GPRC5C: variants seen among roughly 807,000 people sequenced by gnomAD.
The protein encoded by GPRC5C is G protein-coupled receptor family C group 5 member C.
GPRC5C carries 22 observed loss-of-function variants against 31.4 expected under a neutral mutation model. The ratio of observed to expected loss-of-function variants is 0.70; its 90% CI spans 0.50 to 1.00. The LOEUF is 1.00. Among genes scored for constraint, GPRC5C ranks in the 50% least tolerant of loss-of-function variants. The pLI is 0.00. For missense variants in GPRC5C, 557 were observed against 597.2 expected (o/e 0.93, Z 0.70); for synonymous variants, 249 against 257.5 (o/e 0.97, Z 0.32).
At chr17:74,443,416 T>C in intron 2 of GPRC5C, 2 of 358,854 alleles carry the variant, frequency 5.6e-6, no homozygotes, top group South Asian at 4.4e-5. Flanking sequence ...AGCTGGCCCG[T>C]GGTGACAGGC....
chr17:74,437,686 G>A (rs76758902), intron 1 of GPRC5C, among the ~76,000 whole-genome samples: 1,447 of 142,980 alleles, frequency 0.01, 15 homozygotes, highest in African/African-American at 0.04. Context: ...TCAACTGTGG[G>A]ATTTAGGGCT....
chr17:74,436,259 A>G (rs2055429846), intron 1 of GPRC5C, among the ~76,000 whole-genome samples: 2 of 152,104 alleles, frequency 1.3e-5, no homozygotes, highest in Admixed American at 6.6e-5. Flanking sequence ...GCTTTGATTC[A>G]CACCATCTTT....
Position 74,443,800 on chromosome 17 carries a change from T to A in GPRC5C, c.1052-18T>A, listed in dbSNP as rs529578883. On this transcript the variant is annotated intron_variant, in intron 2 of 3. Transcript: ENST00000392627. ...GAGAGCCCTGGGATCTTCAAACTGT[T>A]CCTGCTTTTCCTTGTAGCTAAGAGG... 5.1e-6 allele frequency: 8 copies of A among 1,573,764 alleles called. No individual in the cohort carries two copies. The African/African-American group carries it at 1.1e-4, about 21-fold the overall frequency.
chr17:74,446,321 G>A (rs138498082), intron 3 of GPRC5C: 1,732 of 152,184 alleles, frequency 0.011, 21 homozygotes, highest in Non-Finnish European at 0.014. Flanking sequence ...GCACGGTGGC[G>A]GGCTCCTGTA....
chr17:74,433,346 C>T (rs2055383871), intron 1 of GPRC5C, among the ~76,000 whole-genome samples: 1 of 151,814 alleles, frequency 6.6e-6, no homozygotes, highest in South Asian at 2.1e-4. Flanking sequence ...TTCCAAGTCT[C>T]AGAGAGCTCA....
intron 2 of GPRC5C, chr17:74,443,146 G>A (rs2055569859): frequency 1.2e-5 from 2 of 168,454 alleles, no homozygotes; most frequent in Non-Finnish European, 2.5e-5. Flanking sequence ...TGCGTCAGCA[G>A]CCCTCCTCAA....
intron 3 of GPRC5C, among the ~76,000 whole-genome samples, chr17:74,444,874 TA>T (rs1567964268): frequency 6.6e-6 from 1 of 152,070 alleles, no homozygotes; most frequent in Non-Finnish European, 1.5e-5. Context: ...TGATCTGGAT[TA>T]ACAGGGATAT....
intron 2 of GPRC5C, among the ~76,000 whole-genome samples, chr17:74,442,254 C>T (rs776446449): frequency 1.3e-5 from 2 of 152,206 alleles, no homozygotes; most frequent in Non-Finnish European, 2.9e-5. Context: ...CCGCCTGCCT[C>T]GGCATCCCAA....
At chr17:74,432,509 G>C in intron 1 of GPRC5C, 1 of 1,015,532 alleles carries the variant, frequency 9.8e-7, no homozygotes, top group Non-Finnish European at 1.2e-6. Context: ...GAGCGGGGCC[G>C]GCGGCGAGTC....
intron 1 of GPRC5C, chr17:74,433,674 G>A: frequency 6.3e-7 from 1 of 1,593,032 alleles, no homozygotes; most frequent in Non-Finnish European, 8.6e-7. Flanking sequence ...TGGGAGGAAG[G>A]CAAGTGCTCT....
At chr17:74,438,320 G>T (rs1383119946) in intron 1 of GPRC5C, among the ~76,000 whole-genome samples, 6 of 147,544 alleles carry the variant, frequency 4.1e-5, no homozygotes, top group African/African-American at 1.5e-4. Context: ...GAGTGCAGTG[G>T]CGCAGTCTTG....
intron 1 of GPRC5C, 72 bp downstream of exon 1, chr17:74,432,213 CG>C (rs957651102): frequency 1.3e-6 from 2 of 1,557,090 alleles, no homozygotes; most frequent in African/African-American, 2.7e-5. Flanking sequence ...TGGAGCGCGG[CG>C]GGCGCCCGAT....
intron 1 of GPRC5C, among the ~76,000 whole-genome samples, chr17:74,436,921 T>TG (rs2144409659): frequency 6.6e-6 from 1 of 152,174 alleles, no homozygotes; most frequent in East Asian, 1.9e-4. Context: ...CCTTCCCTTT[T>TG]TTGTTGTTGT....
At chr17:74,439,333 ACCT>A (rs1387309424) in intron 1 of GPRC5C, among the ~76,000 whole-genome samples, 27 of 152,108 alleles carry the variant, frequency 1.8e-4, no homozygotes, top group African/African-American at 6.0e-4. Flanking sequence ...ATAGCAGCTG[ACCT>A]CCTGAAGCCT....
downstream of GPRC5C, chr17:74,450,875 G>A (rs1298567627): frequency 6.6e-6 from 1 of 152,306 alleles, no homozygotes. Flanking sequence ...ACCTCTGGGT[G>A]CCGGGGTGGA....
At chr17:74,448,396 G>C (rs79272193), downstream of GPRC5C, among the ~76,000 whole-genome samples, 1 of 150,660 alleles carries the variant, frequency 6.6e-6, no homozygotes, top group South Asian at 2.1e-4. Context: ...TTTTTTTTTT[G>C]AGACAGAGTC....
chr17:74,433,258 C>A lies in GPRC5C; in HGVS notation c.-33+1117C>A, dbSNP rs1195716357. The stretch of plus-strand genomic sequence containing the variant: ...CGCCGGCCCCCCACCCCTGTGCCTT[C>A]AACTGGACTGGGGGAGGGAGTGCAT... On this transcript the variant is annotated intron_variant, in intron 1 of 3. Coordinates refer to ENST00000392627, the MANE Select transcript of GPRC5C (RefSeq NM_022036.4). 2.6e-5 allele frequency among the ~76,000 whole-genome samples: 4 copies of A among 152,154 alleles called. No homozygotes were observed. The East Asian group carries it at 7.7e-4, about 29-fold the overall frequency.
At position 74,440,199 on chromosome 17, in the gene GPRC5C, C is replaced by G. The variant is rs143296311; in HGVS notation, c.423C>G (p.Leu141=). 4.5e-5 allele frequency: 73 copies of G among 1,614,122 alleles called. No individual in the cohort carries two copies. The African/African-American group carries it at 8.7e-4, about 19-fold the overall frequency. ...FSCLAAHVFA[L]NFLARKNHGP... ...GTCTGGCGGCTCACGTCTTTGCCCTCAACTTCCTGGCCCGGAAGAACCACG... is the reference window on the plus strand; with the variant it reads ...GTCTGGCGGCTCACGTCTTTGCCCTGAACTTCCTGGCCCGGAAGAACCACG... The change falls in exon 2 of 4, where the codon CTC becomes CTG. Residue 141 remains leucine, a synonymous_variant. Transcript: ENST00000392627. This position sits in a 1 kb window ranked among gnomAD's most constrained non-coding sequence, Gnocchi z 4.4.
At chr17:74,435,263 C>T (rs112951267) in intron 1 of GPRC5C, among the ~76,000 whole-genome samples, 30 of 152,172 alleles carry the variant, frequency 2.0e-4, no homozygotes, top group African/African-American at 6.8e-4. Flanking sequence ...GCACTCCCGG[C>T]ATCAGAGGGC....
Sources: gnomAD v4.1 joint callset for allele counts (sites outside exome capture counted in the v4.1 genomes callset) on GRCh38, gnomAD v4.1.1 for gene constraint, Gnocchi (gnomAD v3.1) non-coding constraint, MANE v1.5 for transcripts, NCBI Gene and HGNC (gene_info 2026-07-23, HGNC 2026-07-21) for gene names.